The following RTN4 variants were observed in gnomAD, a reference collection of about 807,000 sequenced individuals.
The protein encoded by RTN4 is reticulon-4.
Under a neutral mutation model 90.4 loss-of-function variants are expected in RTN4, and 32 were observed. The observed-to-expected ratio is 0.35, with a 90% CI of 0.27 to 0.48. The LOEUF is 0.48. Ranked by LOEUF, RTN4 falls within the 20% of genes least tolerant of loss-of-function variation. RTN4 has a pLI of 0.99. For synonymous variants in RTN4, 629 were observed against 552.5 expected (o/e 1.14, Z -1.94); for missense variants, 1,706 against 1,430.2 (o/e 1.19, Z -3.11).
intron 2 of RTN4, among the ~76,000 whole-genome samples, 153 bp downstream of exon 2, chr2:55,028,011 T>C (rs925982013): frequency 6.6e-6 from 1 of 152,198 alleles, no homozygotes; most frequent in Non-Finnish European, 1.5e-5. Context: ...GGGCATACCA[T>C]ATAAAATGCA....
intron 3 of RTN4, among the ~76,000 whole-genome samples, chr2:55,002,049 TTTTATTTA>T (rs34110967): frequency 1.3e-4 from 20 of 151,122 alleles, no homozygotes; most frequent in South Asian, 6.4e-4. Flanking sequence ...TCAAATCTTA[TTTTATTTA>T]TTTATTTATT....
In RTN4 at chr2:54,973,574, A is replaced by ATCTT. The variant is rs747780168; in HGVS notation, c.3521_3524dup (p.Asp1175GlufsTer6). On this transcript the variant is annotated frameshift_variant, in exon 8 of 9. Transcript: ENST00000337526. LOFTEE classifies it high-confidence loss of function. ...TTTTAAATACTTACTTAGCCATAGC[A>ATCTT]TCTTTAACATTCTTATTTGCAAGTC... 1 of 1,608,236 alleles carries ATCTT rather than the reference A, an allele frequency of 6.2e-7. No individual in the cohort carries two copies. Among genetic ancestry groups the ATCTT allele is most frequent in the South Asian group, 1.1e-5 (1 of 90,944 alleles).
At chr2:55,044,785 T>TAAAAAAAAAAAAAAA (rs10639848) in intron 1 of RTN4, among the ~76,000 whole-genome samples, 3 of 65,664 alleles carry the variant, frequency 4.6e-5, no homozygotes, top group African/African-American at 1.9e-4. Flanking sequence ...TGCAAATCAC[T>TAAAAAAAAAAAAAAA]AAAAAAAAAA....
intron 3 of RTN4, chr2:55,010,283 G>A: frequency 6.8e-7 from 1 of 1,469,844 alleles, no homozygotes; most frequent in East Asian, 2.4e-5. Flanking sequence ...GAAGTCACCT[G>A]ACGTCTTCTG....
At chr2:55,068,889 C>G (rs942881476) in intron 2 of RTN4, among the ~76,000 whole-genome samples, 1 of 152,176 alleles carries the variant, frequency 6.6e-6, no homozygotes, top group African/African-American at 2.4e-5. Flanking sequence ...TTCAGTGAAA[C>G]CGGCTTTTCT....
chr2:55,036,019 A>G (rs1415875897), intron 1 of RTN4, among the ~76,000 whole-genome samples: 2 of 152,188 alleles, frequency 1.3e-5, no homozygotes, highest in Non-Finnish European at 2.9e-5. Flanking sequence ...AAGAAAACTA[A>G]TATAAAACAT....
At chr2:55,016,234 A>T (rs1051346712) in intron 3 of RTN4, among the ~76,000 whole-genome samples, 1 of 152,202 alleles carries the variant, frequency 6.6e-6, no homozygotes, top group Non-Finnish European at 1.5e-5. Context: ...AAAAGCTTAT[A>T]AACAATATAT....
At chr2:55,104,035 T>A (rs1172445153) in intron 1 of RTN4, among the ~76,000 whole-genome samples, 1 of 151,440 alleles carries the variant, frequency 6.6e-6, no homozygotes, top group East Asian at 1.9e-4. Flanking sequence ...CTCAATAAAG[T>A]GTTTTTTGTT....
intron 2 of RTN4, among the ~76,000 whole-genome samples, chr2:55,070,598 C>T (rs1019025727): frequency 3.8e-4 from 57 of 151,132 alleles, no homozygotes; most frequent in Admixed American, 3.0e-3. Context: ...AATACTCCCT[C>T]CCATTTGCAA....
At chr2:55,049,075 T>C in intron 1 of RTN4, 1 of 985,036 alleles carries the variant, frequency 1.0e-6, no homozygotes, top group South Asian at 4.7e-5. Flanking sequence ...TGGCAGGACT[T>C]TACCAGAACT....
chr2:54,973,465 G>C (rs753430006), intron 8 of RTN4, 98 bp downstream of exon 8: 43 of 966,022 alleles, frequency 4.5e-5, no homozygotes, highest in Middle Eastern at 2.1e-4. Context: ...AGGTCTGATA[G>C]AGATTTGTTA....
intron 4 of RTN4, 132 bp from the exon 5 acceptor site, chr2:54,982,785 G>A (rs1678249080): frequency 1.0e-6 from 1 of 973,364 alleles, no homozygotes; most frequent in Non-Finnish European, 1.5e-6. Flanking sequence ...CAAATTAGGG[G>A]CAATATAAAA....
chr2:55,013,975 G>A (rs1680841735), intron 3 of RTN4, among the ~76,000 whole-genome samples: 2 of 152,066 alleles, frequency 1.3e-5, no homozygotes, highest in Admixed American at 1.3e-4. Context: ...AAATAGGCAT[G>A]TTTTTTAAAA....
intron 1 of RTN4, among the ~76,000 whole-genome samples, chr2:55,108,230 C>T (rs917882244): frequency 6.6e-6 from 1 of 152,148 alleles, no homozygotes; most frequent in Non-Finnish European, 1.5e-5. Flanking sequence ...GCTGTGATTA[C>T]AGGCGTGAGC....
chr2:54,977,375 T>C (rs1168395032), intron 5 of RTN4, among the ~76,000 whole-genome samples: 4 of 150,938 alleles, frequency 2.7e-5, no homozygotes, highest in Non-Finnish European at 5.9e-5. Flanking sequence ...TTTAGTGTTC[T>C]TCTGGGTCAG....
At chr2:54,998,662 T>A (rs1055187131) in intron 3 of RTN4, among the ~76,000 whole-genome samples, 1 of 152,196 alleles carries the variant, frequency 6.6e-6, no homozygotes, top group Non-Finnish European at 1.5e-5. Flanking sequence ...ATATTCCCAT[T>A]ACCTACATCA....
At chr2:55,098,062 G>A (rs921103835) in intron 1 of RTN4, among the ~76,000 whole-genome samples, 1 of 152,016 alleles carries the variant, frequency 6.6e-6, no homozygotes, top group Non-Finnish European at 1.5e-5. Flanking sequence ...ATCCTAGATG[G>A]AATTAACCTC....
chr2:55,052,569 G>A (rs537594819), upstream of RTN4, among the ~76,000 whole-genome samples: 19 of 152,276 alleles, frequency 1.2e-4, no homozygotes, highest in East Asian at 1.7e-3. Flanking sequence ...GGGTTGGGAA[G>A]AGTAGGAAGA....
chr2:55,016,680 A>G (rs963862426), intron 3 of RTN4, among the ~76,000 whole-genome samples: 7 of 152,246 alleles, frequency 4.6e-5, no homozygotes, highest in Admixed American at 3.9e-4. Context: ...TAATATGATT[A>G]TAATTTTTTT....
Sources: allele counts gnomAD v4.1 joint callset (sites outside exome capture counted in the v4.1 genomes callset), GRCh38; gene constraint gnomAD v4.1.1; transcripts MANE v1.5; gene names NCBI Gene and HGNC (gene_info 2026-07-23, HGNC 2026-07-21).